HDAC9: variants seen among roughly 807,000 people sequenced by gnomAD.
HDAC9 encodes the protein histone deacetylase 9.
Under a neutral mutation model 139.4 loss-of-function variants are expected in HDAC9, and 41 were observed. The observed-to-expected ratio is 0.29, with a 90% CI of 0.23 to 0.38. The LOEUF is 0.38. HDAC9 is among the 10% of genes least tolerant of loss of function. The probability of loss-of-function intolerance (pLI) is 1.00; values close to 1 mark genes in which losing one functional copy is unlikely to be tolerated. For synonymous variants in HDAC9, 517 were observed against 476.2 expected (o/e 1.09, Z -1.12); for missense variants, 1,147 against 1,297.0 (o/e 0.88, Z 1.78).
chr7:18,648,432 G>GTGTGTA (rs1554302117), intron 10 of HDAC9, 34 bp from the exon 11 acceptor site: 15 of 1,380,686 alleles, frequency 1.1e-5, no homozygotes, highest in Middle Eastern at 1.8e-4. Context: ...GTGTGTGTGT[G>GTGTGTA]TATACACACA....
At chr7:18,869,653 A>T (rs758046337) in intron 21 of HDAC9, among the ~76,000 whole-genome samples, 2 of 152,134 alleles carry the variant, frequency 1.3e-5, no homozygotes, top group Non-Finnish European at 2.9e-5. Context: ...CTGAAACTGA[A>T]TTGGAGGACA....
intron 2 of HDAC9, among the ~76,000 whole-genome samples, chr7:18,201,113 G>A (rs140912223): frequency 2.6e-5 from 4 of 152,202 alleles, no homozygotes; most frequent in South Asian, 2.1e-4. Flanking sequence ...ACTCGTGTCC[G>A]CCTCGCAACA....
At chr7:18,924,029 C>G (rs373927501) in intron 22 of HDAC9, among the ~76,000 whole-genome samples, 1 of 150,872 alleles carries the variant, frequency 6.6e-6, no homozygotes, top group East Asian at 2.0e-4. Context: ...TCCATATTGA[C>G]AGGTTGAATC....
At chr7:18,774,525 C>A (rs1013207118) in intron 16 of HDAC9, among the ~76,000 whole-genome samples, 1 of 151,980 alleles carries the variant, frequency 6.6e-6, no homozygotes, top group Non-Finnish European at 1.5e-5. Context: ...GTCCTGTAGT[C>A]TATTAAGTTT....
At chr7:18,954,797 G>A (rs111342671) in intron 24 of HDAC9, among the ~76,000 whole-genome samples, 38 of 152,096 alleles carry the variant, frequency 2.5e-4, no homozygotes, top group African/African-American at 8.7e-4. Context: ...AGCATGAAGA[G>A]GAAAACCAAA....
chr7:18,254,891 C>T (rs1562798890), intron 2 of HDAC9, among the ~76,000 whole-genome samples: 2 of 151,992 alleles, frequency 1.3e-5, no homozygotes, highest in South Asian at 2.1e-4. Flanking sequence ...AAAGAAAAAC[C>T]ATGTCATGAA....
chr7:18,725,521 A>C (rs890099194), intron 12 of HDAC9, among the ~76,000 whole-genome samples: 1 of 152,166 alleles, frequency 6.6e-6, no homozygotes, highest in Non-Finnish European at 1.5e-5. Context: ...GCAGGGCTTC[A>C]GGAAGAGAAT....
At chr7:18,162,588 T>C in intron 2 of HDAC9, 2 of 528,744 alleles carry the variant, frequency 3.8e-6, no homozygotes, top group Non-Finnish European at 6.8e-6. Context: ...ACTTTAATTC[T>C]TCTGCTTCCA....
chr7:18,354,474 G>A (rs1232775242), intron 1 of HDAC9, among the ~76,000 whole-genome samples: 2 of 152,174 alleles, frequency 1.3e-5, no homozygotes, highest in Non-Finnish European at 2.9e-5. Flanking sequence ...CAACTAATGT[G>A]CAGATTTAGG....
intron 1 of HDAC9, among the ~76,000 whole-genome samples, chr7:18,095,539 G>C (rs1489146773): frequency 6.6e-6 from 1 of 152,178 alleles, no homozygotes; most frequent in Non-Finnish European, 1.5e-5. Flanking sequence ...AAAGAGGGCA[G>C]AGAAGGTTTG....
intron 2 of HDAC9, among the ~76,000 whole-genome samples, chr7:18,239,711 T>C (rs1794061822): frequency 6.6e-6 from 1 of 152,126 alleles, no homozygotes; most frequent in Admixed American, 6.6e-5. Context: ...AGTCTTCCTA[T>C]AGTTTAATCA....
intron 2 of HDAC9, among the ~76,000 whole-genome samples, chr7:18,568,028 A>G (rs370845469): frequency 0.014 from 161 of 11,500 alleles, 1 homozygote; most frequent in South Asian, 0.034. Context: ...ATGTATATGT[A>G]TATATATATA....
intron 17 of HDAC9, among the ~76,000 whole-genome samples, chr7:18,815,952 G>A (rs1377480392): frequency 6.6e-6 from 1 of 152,108 alleles, no homozygotes; most frequent in Non-Finnish European, 1.5e-5. Context: ...TGATTCTAAA[G>A]CAAACTGTCT....
At chr7:18,863,724 G>A (rs1212351415) in intron 21 of HDAC9, among the ~76,000 whole-genome samples, 3 of 152,070 alleles carry the variant, frequency 2.0e-5, no homozygotes, top group Admixed American at 6.6e-5. Flanking sequence ...GTGTTATGGT[G>A]AAAAAAAACC....
At chr7:18,146,871 TG>T (rs1256075122) in intron 1 of HDAC9, among the ~76,000 whole-genome samples, 1 of 152,162 alleles carries the variant, frequency 6.6e-6, no homozygotes, top group Non-Finnish European at 1.5e-5. Context: ...CATAATGCCC[TG>T]GGGGCGTTAG....
At chr7:18,105,879 G>A (rs532216556) in intron 1 of HDAC9, among the ~76,000 whole-genome samples, 1 of 152,124 alleles carries the variant, frequency 6.6e-6, no homozygotes, top group African/African-American at 2.4e-5. Context: ...TTGCACAATG[G>A]CATATTACTA....
intron 1 of HDAC9, among the ~76,000 whole-genome samples, chr7:18,420,070 G>A (rs987438497): frequency 3.3e-5 from 5 of 152,174 alleles, no homozygotes; most frequent in African/African-American, 1.2e-4. Context: ...AAGCGGACCT[G>A]TGTGAGATAA....
chr7:18,428,887 T>C (rs1247392461), intron 1 of HDAC9, among the ~76,000 whole-genome samples: 1 of 152,218 alleles, frequency 6.6e-6, no homozygotes, highest in Non-Finnish European at 1.5e-5. Context: ...ACACACCACA[T>C]TGGTGCCTTT....
At chr7:18,689,956 C>T (rs747675993) in intron 12 of HDAC9, among the ~76,000 whole-genome samples, 3 of 151,952 alleles carry the variant, frequency 2.0e-5, no homozygotes, top group Non-Finnish European at 2.9e-5. Context: ...AGGTATTCTT[C>T]CATGGGTAAT....
Sources: gnomAD v4.1 joint callset for allele counts (sites outside exome capture counted in the v4.1 genomes callset) on GRCh38, gnomAD v4.1.1 for gene constraint, MANE v1.5 for transcripts, NCBI Gene and HGNC (gene_info 2026-07-23, HGNC 2026-07-21) for gene names.